KCNG3: variants seen among roughly 807,000 people sequenced by gnomAD.
The protein encoded by KCNG3 is potassium voltage-gated channel modifier subfamily G member 3.
A neutral mutation model predicts 29.0 loss-of-function variants in KCNG3; 15 were observed. The observed-to-expected ratio is 0.52, with a 90% CI of 0.35 to 0.80. KCNG3 has a LOEUF of 0.80. Ranked by LOEUF, KCNG3 falls within the 30% of genes least tolerant of loss-of-function variation. The pLI, the probability that KCNG3 is intolerant of heterozygous loss-of-function variation, is 0.01. For synonymous variants in KCNG3, 322 were observed against 248.9 expected (o/e 1.29, Z -2.76); for missense variants, 512 against 605.7 (o/e 0.85, Z 1.62).
intron 1 of KCNG3, among the ~76,000 whole-genome samples, chr2:42,470,629 C>A (rs1673262670): frequency 6.6e-6 from 1 of 152,210 alleles, no homozygotes; most frequent in African/African-American, 2.4e-5. Flanking sequence ...AATCCCAGCA[C>A]TTTGGGAGGC....
intron 1 of KCNG3, among the ~76,000 whole-genome samples, chr2:42,462,771 G>C (rs551659778): frequency 1.3e-5 from 2 of 152,272 alleles, no homozygotes; most frequent in East Asian, 3.9e-4. Context: ...GATCAACTGG[G>C]GTTAGGAAAC....
intron 1 of KCNG3, among the ~76,000 whole-genome samples, chr2:42,446,104 G>C (rs1672590746): frequency 6.6e-6 from 1 of 151,964 alleles, no homozygotes; most frequent in Non-Finnish European, 1.5e-5. Flanking sequence ...CCCCAAAGCT[G>C]AGAAAATCAA....
At chr2:42,473,247 G>A (rs1673337144) in intron 1 of KCNG3, among the ~76,000 whole-genome samples, 1 of 151,908 alleles carries the variant, frequency 6.6e-6, no homozygotes, top group Non-Finnish European at 1.5e-5. Flanking sequence ...TGGGTAAACA[G>A]GTATTAATTG....
At chr2:42,491,423 C>G (rs1464390941) in intron 1 of KCNG3, among the ~76,000 whole-genome samples, 2 of 151,968 alleles carry the variant, frequency 1.3e-5, no homozygotes, top group Admixed American at 6.6e-5. Flanking sequence ...GCTAATGTAG[C>G]TCAAACCTTC....
At chr2:42,413,629 G>C in the KCNG3 span, 1 of 152,154 alleles carries the variant, frequency 6.6e-6, no homozygotes, top group Non-Finnish European at 1.5e-5. Context: ...ACCCAAGACT[G>C]GGTGATTTAT....
At chr2:42,430,849 C>T in the KCNG3 span, among the ~76,000 whole-genome samples, 2 of 152,112 alleles carry the variant, frequency 1.3e-5, no homozygotes, top group African/African-American at 2.4e-5. Flanking sequence ...GTGGCTCACA[C>T]ATGTAATCCC....
At chr2:42,483,581 C>A (rs374164583) in intron 1 of KCNG3, among the ~76,000 whole-genome samples, 1 of 152,294 alleles carries the variant, frequency 6.6e-6, no homozygotes, top group East Asian at 1.9e-4. Context: ...AGGCATAAAA[C>A]TGGGTAACAG....
intron 1 of KCNG3, among the ~76,000 whole-genome samples, chr2:42,465,139 G>C (rs1305213714): frequency 2.0e-5 from 3 of 151,998 alleles, no homozygotes; most frequent in Non-Finnish European, 4.4e-5. Context: ...AAAAATTAAT[G>C]AGAATGAGTG....
chr2:42,483,337 T>A (rs1161118859), intron 1 of KCNG3, among the ~76,000 whole-genome samples: 1 of 152,222 alleles, frequency 6.6e-6, no homozygotes, highest in Non-Finnish European at 1.5e-5. Context: ...TAAAGCACAA[T>A]CCTTTTAACT....
chr2:42,431,276 TAC>T, the KCNG3 span, among the ~76,000 whole-genome samples: 1 of 152,092 alleles, frequency 6.6e-6, no homozygotes, highest in Admixed American at 6.6e-5. Flanking sequence ...ACATTTATTT[TAC>T]AGTTATGGCA....
chr2:42,474,090 T>A (rs1021104581), intron 1 of KCNG3, among the ~76,000 whole-genome samples: 2 of 151,610 alleles, frequency 1.3e-5, no homozygotes, highest in African/African-American at 4.9e-5. Flanking sequence ...AGGCAGAGGT[T>A]GCAGTGAGCC....
intron 1 of KCNG3, among the ~76,000 whole-genome samples, chr2:42,487,576 T>C (rs1318730252): frequency 6.6e-6 from 1 of 152,192 alleles, no homozygotes; most frequent in Non-Finnish European, 1.5e-5. Context: ...AACTACTGGA[T>C]ACCATTTTTC....
At chr2:42,477,429 T>TA (rs1558386701) in intron 1 of KCNG3, among the ~76,000 whole-genome samples, 91 of 22,920 alleles carry the variant, frequency 4.0e-3, no homozygotes, top group African/African-American at 7.5e-3. Flanking sequence ...ACACATATAT[T>TA]TTTTTTTTTT....
the KCNG3 span, among the ~76,000 whole-genome samples, chr2:42,399,197 T>C: frequency 1.3e-5 from 2 of 151,620 alleles, no homozygotes; most frequent in South Asian, 2.1e-4. Context: ...GCTGGGACCA[T>C]AGGCATATGT....
the KCNG3 span, among the ~76,000 whole-genome samples, chr2:42,408,452 A>C: frequency 3.0e-4 from 46 of 152,210 alleles, 1 homozygote; most frequent in East Asian, 7.9e-3. Flanking sequence ...CCTCAGGATG[A>C]CCAGCTGCAG....
chr2:42,425,693 T>C, the KCNG3 span, among the ~76,000 whole-genome samples: 2 of 152,150 alleles, frequency 1.3e-5, no homozygotes, highest in Non-Finnish European at 2.9e-5. Flanking sequence ...TTGCCTCGTG[T>C]TGATTAATGA....
the KCNG3 span, among the ~76,000 whole-genome samples, chr2:42,411,234 C>A: frequency 1.3e-5 from 2 of 152,022 alleles, no homozygotes; most frequent in Non-Finnish European, 2.9e-5. Context: ...CATTGATTTA[C>A]TTTTTTCAAT....
At chr2:42,430,381 A>C in the KCNG3 span, among the ~76,000 whole-genome samples, 6 of 150,598 alleles carry the variant, frequency 4.0e-5, no homozygotes, top group Admixed American at 6.6e-5. Context: ...TAAATAAATA[A>C]ATAAATAAAT....
intron 1 of KCNG3, among the ~76,000 whole-genome samples, chr2:42,449,501 G>C (rs1672693295): frequency 7.1e-6 from 1 of 141,838 alleles, no homozygotes. Flanking sequence ...GTTGTGTTAA[G>C]CCACTGAGAT....
Sources: allele counts gnomAD v4.1 joint callset (sites outside exome capture counted in the v4.1 genomes callset), GRCh38; gene constraint gnomAD v4.1.1; transcripts MANE v1.5; gene names NCBI Gene and HGNC (gene_info 2026-07-23, HGNC 2026-07-21).